BBOF1: variants seen among roughly 807,000 people sequenced by gnomAD.
BBOF1 encodes basal body orientation factor 1.
A neutral mutation model predicts 68.0 loss-of-function variants in BBOF1; 62 were observed. That is an observed-to-expected ratio of 0.91 (90% CI 0.74 to 1.13). The LOEUF (loss-of-function observed/expected upper bound fraction) is 1.13. BBOF1 is among the 50% of genes most tolerant of loss of function. The pLI is 0.00. For missense variants in BBOF1, 534 were observed against 600.1 expected, an observed-to-expected ratio of 0.89 and a Z score of 1.15; for synonymous variants, 208 against 198.8, an observed-to-expected ratio of 1.05 and a Z score of -0.39.
At chr14:74,074,791 C>A (rs2060594223) in intron 9 of BBOF1, among the ~76,000 whole-genome samples, 1 of 152,104 alleles carries the variant, frequency 6.6e-6, no homozygotes, top group East Asian at 1.9e-4. Context: ...ATGTTTGTAT[C>A]TTTTGACATG....
At chr14:74,052,485 A>ACT (rs1159897497) in intron 8 of BBOF1, among the ~76,000 whole-genome samples, 1 of 151,694 alleles carries the variant, frequency 6.6e-6, no homozygotes, top group Non-Finnish European at 1.5e-5. Flanking sequence ...TCTCTACTAA[A>ACT]AATACAAAAA....
intron 7 of BBOF1, among the ~76,000 whole-genome samples, chr14:74,048,898 G>A (rs571640439): frequency 9.9e-4 from 150 of 152,110 alleles, no homozygotes; most frequent in Non-Finnish European, 1.9e-3. Context: ...AGAGAAAGAC[G>A]GAGTCTCACT....
chr14:74,036,670 C>T (rs1156749955), intron 4 of BBOF1, among the ~76,000 whole-genome samples: 6 of 111,192 alleles, frequency 5.4e-5, no homozygotes, highest in African/African-American at 1.1e-4. Context: ...GGTGACAGAG[C>T]GAGACTCTGT....
intron 2 of BBOF1, among the ~76,000 whole-genome samples, 155 bp downstream of exon 2, chr14:74,023,299 T>G (rs116263603): frequency 0.014 from 2,169 of 152,328 alleles, 51 homozygotes; most frequent in African/African-American, 0.048. Context: ...AGACACTTTT[T>G]CAGAATGGTT....
intron 12 of BBOF1, among the ~76,000 whole-genome samples, chr14:74,082,394 T>TG (rs1491264068): frequency 2.5e-5 from 1 of 39,702 alleles, no homozygotes. Flanking sequence ...AAAATCGAGG[T>TG]TTTTTTTTTT....
chr14:74,066,413 C>G (rs1054652560), downstream of BBOF1, among the ~76,000 whole-genome samples: 4 of 152,122 alleles, frequency 2.6e-5, no homozygotes, highest in Non-Finnish European at 5.9e-5. Flanking sequence ...ATGTTTATAG[C>G]TGATCTCACA....
chr14:74,035,065 C>T (rs557247090), intron 4 of BBOF1, among the ~76,000 whole-genome samples: 1 of 151,990 alleles, frequency 6.6e-6, no homozygotes, highest in African/African-American at 2.4e-5. Flanking sequence ...GCACTCCAGC[C>T]TGGGTGACAG....
chr14:74,028,467 TACACACACAC>T (rs34677110), intron 2 of BBOF1, among the ~76,000 whole-genome samples: 2,462 of 138,284 alleles, frequency 0.018, 65 homozygotes, highest in African/African-American at 0.057. Context: ...ACTAAAGAAA[TACACACACAC>T]ACACACACAC....
intron 11 of BBOF1, chr14:74,059,013 G>A (rs1438155488): frequency 6.5e-6 from 1 of 154,766 alleles, no homozygotes; most frequent in Non-Finnish European, 1.4e-5. Flanking sequence ...GAACCCGGGA[G>A]GCAGAGGTTG....
rs908081041 is a variant in BBOF1 at position 74,049,563 on chromosome 14, G to A, written c.793-139G>A. On this transcript the variant is annotated intron_variant, in intron 7 of 11. Coordinates refer to ENST00000394009, the MANE Select transcript of BBOF1 (RefSeq NM_025057.3). ...TGTAATCCCAGCTACTCAGGAGCCT[G>A]AGGTAGGAGAATTGCTTGAACCCAG... The A allele has an allele frequency of 4.9e-5, 35 of 708,014 alleles. No homozygotes were observed. In the African/African-American group the frequency reaches 5.5e-4, roughly 11 times the overall value. 43.9% of individuals were successfully genotyped at this position (708,014 alleles called of 1,614,324 possible).
intron 10 of BBOF1, among the ~76,000 whole-genome samples, chr14:74,078,938 T>A (rs1242053462): frequency 3.3e-5 from 5 of 151,814 alleles, no homozygotes; most frequent in African/African-American, 1.2e-4. Flanking sequence ...GTGCTGGGAT[T>A]ACAGGGGTGA....
At chr14:74,037,969 A>G (rs925033459) in intron 4 of BBOF1, among the ~76,000 whole-genome samples, 1 of 151,612 alleles carries the variant, frequency 6.6e-6, no homozygotes, top group African/African-American at 2.4e-5. Flanking sequence ...AAAAAAAAAA[A>G]GGAATAATTT....
chr14:74,078,411 T>A (rs2060636369), intron 10 of BBOF1: 1 of 348,826 alleles, frequency 2.9e-6, no homozygotes, highest in African/African-American at 2.2e-5. Flanking sequence ...TGGAATGCAG[T>A]GGCATGATCA....
chr14:74,074,829 C>T (rs1159275963), intron 9 of BBOF1: 1 of 981,574 alleles, frequency 1.0e-6, no homozygotes, highest in African/African-American at 1.6e-5. Context: ...GGAAATAATC[C>T]AAAAGGAGGA....
chr14:74,040,939 A>G (rs2059813911), intron 5 of BBOF1: 1 of 376,658 alleles, frequency 2.7e-6, no homozygotes, highest in African/African-American at 2.1e-5. Flanking sequence ...CTCCCATTAT[A>G]TAGGGAAGAT....
intron 10 of BBOF1, among the ~76,000 whole-genome samples, chr14:74,079,623 G>A (rs889394861): frequency 1.3e-5 from 2 of 151,646 alleles, no homozygotes; most frequent in Admixed American, 6.6e-5. Flanking sequence ...TAGTAGAGAT[G>A]GGGTTTCACC....
At position 74,037,389 on chromosome 14, in the gene BBOF1, C is replaced by T. The variant is rs931470199; in HGVS notation, c.496-3176C>T. 2.0e-5 allele frequency among the ~76,000 whole-genome samples: 3 copies of T among 147,260 alleles called. No individual in the cohort carries two copies. In the Admixed American group the frequency reaches 2.1e-4, roughly 10 times the overall value. ...TCACTGCAGCCTCTACTTCCCTGGG[C>T]TCAAGTGATCCTCTTATTTCAGGCT... On this transcript the variant is annotated intron_variant, in intron 4 of 11. Transcript: ENST00000394009.
intron 6 of BBOF1, among the ~76,000 whole-genome samples, chr14:74,047,334 G>A (rs2139592445): frequency 6.6e-6 from 1 of 152,162 alleles, no homozygotes; most frequent in Admixed American, 6.6e-5. Flanking sequence ...CTAGTCATGT[G>A]GACAGGAAAG....
chr14:74,051,456 A>G (rs1255074993), intron 8 of BBOF1, among the ~76,000 whole-genome samples: 2 of 151,610 alleles, frequency 1.3e-5, no homozygotes, highest in African/African-American at 4.9e-5. Flanking sequence ...ATTTGTAACA[A>G]TTCTTTGTTA....
Sources: allele counts gnomAD v4.1 joint callset (sites outside exome capture counted in the v4.1 genomes callset), GRCh38; gene constraint gnomAD v4.1.1; transcripts MANE v1.5; gene names NCBI Gene and HGNC (gene_info 2026-07-23, HGNC 2026-07-21).